GRIK5: variants seen among roughly 807,000 people sequenced by gnomAD.
The protein encoded by GRIK5 is glutamate receptor ionotropic, kainate 5.
Under a neutral mutation model 97.4 loss-of-function variants are expected in GRIK5, and 43 were observed. The observed-to-expected ratio is 0.44, with a 90% CI of 0.35 to 0.57. The LOEUF is 0.57. Among genes scored for constraint, GRIK5 ranks in the 20% least tolerant of loss-of-function variants. GRIK5 has a pLI of 0.01. For synonymous variants in GRIK5, 580 were observed against 583.5 expected, an observed-to-expected ratio of 0.99 and a Z score of 0.09; for missense variants, 1,015 against 1,382.0, an observed-to-expected ratio of 0.73 and a Z score of 4.21.
Position 41,999,315 on chromosome 19 carries a change from G to T in GRIK5, c.2515-16C>A. 6.6e-7 allele frequency: 1 copy of T among 1,505,086 alleles called. No individual in the cohort carries two copies. Among genetic ancestry groups the T allele is most frequent in the South Asian group, 1.2e-5 (1 of 81,858 alleles). The allele number at this position is 1,505,086 out of a possible 1,614,324, so 93.2% of individuals were successfully genotyped here. The stretch of plus-strand genomic sequence containing the variant: ...ACACCGACACCTGGGGGTGGCGCGG[G>T]CGGTCACCGTCCCGGCGCAGTCCGC... On this transcript the variant is annotated splice_polypyrimidine_tract_variant and intron_variant, in intron 19 of 19. Coordinates refer to ENST00000593562, the MANE Select transcript of GRIK5 (RefSeq NM_002088.5). This position sits in a 1 kb window ranked among gnomAD's most constrained non-coding sequence, Gnocchi z 5.0.
intron 11 of GRIK5, among the ~76,000 whole-genome samples, chr19:42,046,404 A>C (rs2076043660): frequency 6.6e-6 from 1 of 152,188 alleles, no homozygotes; most frequent in Admixed American, 6.5e-5. Context: ...GGGTCTTCAG[A>C]CTTCAAAAAG....
rs1462894270 is a variant in GRIK5, at chr19:41,999,815, G to A, written c.2515-516C>T. Among the ~76,000 whole-genome samples the A allele has an allele frequency of 1.3e-5, 2 of 152,256 alleles. No individual in the cohort carries two copies. Among genetic ancestry groups the A allele is most frequent in the South Asian group, 2.1e-4 (1 of 4,836 alleles). ...CAGACATGTATGTAGTGTGTTAGGC[G>A]TGGTGAGTGCTTTGGAAAGAAAGAA... On this transcript the variant is annotated intron_variant, in intron 19 of 19. Transcript: ENST00000593562. The surrounding 1 kb of genome is among the most constrained non-coding windows in gnomAD (Gnocchi z 5.0).
rs986620543 is a variant in GRIK5, at chr19:42,002,515, C to T, written c.2514+817G>A. ...AGGAGTCCTTGGGCCAAGTGCAGAA[C>T]ACTGGCAGGCAGCTGGATGCAGAGC... On this transcript the variant is annotated intron_variant, in intron 19 of 19. Transcript: ENST00000593562. This position sits in a 1 kb window ranked among gnomAD's most constrained non-coding sequence, Gnocchi z 5.2. 1 of 707,930 alleles carries T rather than the reference C, an allele frequency of 1.4e-6. No individual in the cohort carries two copies. The highest frequency in any genetic ancestry group is 2.6e-6 in the Non-Finnish European group (1 of 379,112). 43.9% of individuals were successfully genotyped at this position (707,930 alleles called of 1,614,324 possible).
chr19:42,024,619 G>A (rs752978949), intron 12 of GRIK5, among the ~76,000 whole-genome samples: 10 of 152,154 alleles, frequency 6.6e-5, no homozygotes, highest in Non-Finnish European at 8.8e-5. Context: ...CAGTGAGGCA[G>A]CCCAGAGCCC....
chr19:42,002,656 A>C lies in GRIK5; in HGVS notation c.2514+676T>G. The C allele has an allele frequency of 1.6e-6, 1 of 617,638 alleles. No homozygotes were observed. The highest frequency in any genetic ancestry group is 2.0e-5 in the South Asian group (1 of 50,646). The allele number at this position is 617,638 out of a possible 1,614,324, so 38.3% of individuals were successfully genotyped here. A position where few individuals can be genotyped will look rare whatever the true frequency, so the allele number is the denominator to read the frequency against. Reference sequence around the variant, plus strand: ...ACCAGCAGTCCAGGGGTGCAAGAGCACGAATGGGTCTGGAAATGCAGGGGT... The same window carrying C: ...ACCAGCAGTCCAGGGGTGCAAGAGCCCGAATGGGTCTGGAAATGCAGGGGT... On this transcript the variant is annotated intron_variant, in intron 19 of 19. Coordinates refer to ENST00000593562, the MANE Select transcript of GRIK5 (RefSeq NM_002088.5). The surrounding 1 kb of genome is among the most constrained non-coding windows in gnomAD (Gnocchi z 5.2).
chr19:42,003,736 C>A lies in GRIK5; in HGVS notation c.2264-53G>T. 1 of 1,520,064 alleles carries A rather than the reference C, an allele frequency of 6.6e-7. No individual in the cohort carries two copies. The highest frequency in any genetic ancestry group is 8.8e-7 in the Non-Finnish European group (1 of 1,135,896). The allele number at this position is 1,520,064 out of a possible 1,614,324, so 94.2% of individuals were successfully genotyped here. A position where few individuals can be genotyped will look rare whatever the true frequency, so the allele number is the denominator to read the frequency against. ...AGCCATCGGGCCCTGCAGCCCTGAC[C>A]GCCCCAAACCCCAAACTGTGCCCTC... On this transcript the variant is annotated intron_variant, in intron 17 of 19. Transcript: ENST00000593562. The surrounding 1 kb of genome is among the most constrained non-coding windows in gnomAD (Gnocchi z 4.2).
intron 15 of GRIK5, among the ~76,000 whole-genome samples, chr19:42,010,260 G>A (rs1450751701): frequency 4.6e-5 from 7 of 152,110 alleles, no homozygotes; most frequent in African/African-American, 1.7e-4. Flanking sequence ...GTCTGATGAA[G>A]TAATGGCCTA....
At chr19:42,041,626 C>T (rs1406434691) in intron 12 of GRIK5, among the ~76,000 whole-genome samples, 1 of 152,126 alleles carries the variant, frequency 6.6e-6, no homozygotes, top group East Asian at 1.9e-4. Flanking sequence ...TTGCCTGCCA[C>T]CTCCCATGGC....
At chr19:42,019,676 A>G (rs867920553) in intron 15 of GRIK5, among the ~76,000 whole-genome samples, 13 of 152,212 alleles carry the variant, frequency 8.5e-5, no homozygotes, top group African/African-American at 2.7e-4. Context: ...TAGGAGTGGA[A>G]GAAGGAAGTT....
At chr19:42,001,861 T>G in intron 19 of GRIK5, 8 of 508,954 alleles carry the variant, frequency 1.6e-5, no homozygotes, top group South Asian at 3.1e-5. Flanking sequence ...ACATAGTGGG[T>G]CTTAAGAGCC....
At chr19:42,064,802 C>T (rs2076307462) in intron 3 of GRIK5, among the ~76,000 whole-genome samples, 1 of 152,118 alleles carries the variant, frequency 6.6e-6, no homozygotes, top group African/African-American at 2.4e-5. Context: ...TGTGGCCGGC[C>T]GTGCTTGGAG....
chr19:42,031,026 G>A (rs1021347767), intron 12 of GRIK5, among the ~76,000 whole-genome samples: 1 of 152,188 alleles, frequency 6.6e-6, no homozygotes, highest in East Asian at 1.9e-4. Flanking sequence ...CTTGCCTTCT[G>A]GTAGCCCTTG....
chr19:42,034,047 G>T (rs2075871752), intron 12 of GRIK5, among the ~76,000 whole-genome samples: 1 of 151,922 alleles, frequency 6.6e-6, no homozygotes, highest in South Asian at 2.1e-4. Context: ...AAACCTTCCA[G>T]TGGCTCTGCA....
rs901212626 is a variant in GRIK5 at position 41,999,443 on chromosome 19, C to G, written c.2515-144G>C. ...CTCGCTTCCCTTCCCACTTCTCTTC[C>G]CTTTATCTCCCCCGTGTTTTCTGCC... On this transcript the variant is annotated intron_variant, in intron 19 of 19. Coordinates refer to ENST00000593562, the MANE Select transcript of GRIK5 (RefSeq NM_002088.5). This position sits in a 1 kb window ranked among gnomAD's most constrained non-coding sequence, Gnocchi z 5.0. The G allele has an allele frequency of 7.7e-5, 47 of 612,364 alleles. No individual in the cohort carries two copies. The highest frequency in any genetic ancestry group is 1.2e-4 in the Non-Finnish European group (43 of 368,966). 37.9% of individuals were successfully genotyped at this position (612,364 alleles called of 1,614,324 possible).
intron 15 of GRIK5, among the ~76,000 whole-genome samples, chr19:42,009,767 CA>C (rs1171061442): frequency 0.086 from 5,442 of 63,186 alleles, 126 homozygotes; most frequent in Middle Eastern, 0.17. Flanking sequence ...GACTTTGTCT[CA>C]AAAAAAAAAA....
intron 12 of GRIK5, among the ~76,000 whole-genome samples, chr19:42,038,758 C>T (rs896493974): frequency 3.3e-5 from 5 of 152,242 alleles, no homozygotes; most frequent in Non-Finnish European, 7.3e-5. Flanking sequence ...TGTTAAGTAA[C>T]ACTTGAAAAG....
At chr19:42,012,975 T>C (rs1218681426) in intron 15 of GRIK5, among the ~76,000 whole-genome samples, 1 of 152,192 alleles carries the variant, frequency 6.6e-6, no homozygotes, top group East Asian at 1.9e-4. Flanking sequence ...CACTCATTCA[T>C]TTAATGTATC....
At chr19:42,049,338 C>T (rs2076083186) in intron 11 of GRIK5, among the ~76,000 whole-genome samples, 1 of 152,150 alleles carries the variant, frequency 6.6e-6, no homozygotes, top group South Asian at 2.1e-4. Context: ...TACATGTTCA[C>T]CAAAAGACAT....
chr19:42,000,884 G>A (rs1272033494), intron 19 of GRIK5, among the ~76,000 whole-genome samples: 6 of 152,152 alleles, frequency 3.9e-5, no homozygotes, highest in Admixed American at 1.3e-4. Context: ...CCATGTGAGT[G>A]TATTCATCAT....
Sources: allele counts gnomAD v4.1 joint callset (sites outside exome capture counted in the v4.1 genomes callset), GRCh38; gene constraint gnomAD v4.1.1; non-coding constraint Gnocchi (gnomAD v3.1); transcripts MANE v1.5; gene names NCBI Gene and HGNC (gene_info 2026-07-23, HGNC 2026-07-21).